The following LOC128462377 variants were observed in gnomAD, a reference collection of about 807,000 sequenced individuals.
the LOC128462377 span, among the ~76,000 whole-genome samples, chr16:89,337,739 C>T: frequency 6.6e-6 from 1 of 152,172 alleles, no homozygotes; most frequent in Admixed American, 6.5e-5. Flanking sequence ...TGTGCCCGGC[C>T]TGGTCTAAGC....
the LOC128462377 span, among the ~76,000 whole-genome samples, chr16:89,369,378 G>A: frequency 6.6e-6 from 1 of 152,204 alleles, no homozygotes; most frequent in Admixed American, 6.5e-5. Flanking sequence ...TGCATGACCC[G>A]CATGACCCTG....
At chr16:89,355,006 A>G in the LOC128462377 span, among the ~76,000 whole-genome samples, 1 of 152,200 alleles carries the variant, frequency 6.6e-6, no homozygotes, top group Admixed American at 6.5e-5. Context: ...ACAGATTCAC[A>G]TGCTGAAGAC....
the LOC128462377 span, among the ~76,000 whole-genome samples, chr16:89,364,034 C>T: frequency 6.6e-6 from 1 of 152,032 alleles, no homozygotes; most frequent in Non-Finnish European, 1.5e-5. Flanking sequence ...CACTGCATTC[C>T]TGCCCAGCCG....
At chr16:89,396,889 G>C in the LOC128462377 span, among the ~76,000 whole-genome samples, 1 of 152,158 alleles carries the variant, frequency 6.6e-6, no homozygotes, top group Non-Finnish European at 1.5e-5. Flanking sequence ...GTTTCACCAT[G>C]TTGGTCAGGC....
the LOC128462377 span, chr16:89,324,307 A>G: frequency 6.8e-5 from 87 of 1,273,020 alleles, no homozygotes; most frequent in Non-Finnish European, 2.7e-5. Context: ...ACCCGACAGG[A>G]GCACGGACAC....
the LOC128462377 span, among the ~76,000 whole-genome samples, chr16:89,413,266 TA>T: frequency 2.6e-4 from 40 of 152,348 alleles, no homozygotes; most frequent in African/African-American, 8.2e-4. Flanking sequence ...TTACTACGCA[TA>T]TTTTTTTGAT....
chr16:89,374,717 C>T, the LOC128462377 span, among the ~76,000 whole-genome samples: 1 of 152,112 alleles, frequency 6.6e-6, no homozygotes, highest in Non-Finnish European at 1.5e-5. Flanking sequence ...CAGGTAAGGA[C>T]CAGAAAAAAA....
At chr16:89,403,451 A>T in the LOC128462377 span, among the ~76,000 whole-genome samples, 2 of 152,090 alleles carry the variant, frequency 1.3e-5, no homozygotes, top group South Asian at 2.1e-4. Context: ...GAAGTTTCTC[A>T]GTAAGCGAGG....
the LOC128462377 span, among the ~76,000 whole-genome samples, chr16:89,332,047 G>C: frequency 6.6e-6 from 1 of 152,098 alleles, no homozygotes; most frequent in Non-Finnish European, 1.5e-5. Context: ...AGAACTTTGG[G>C]AGGCTGAGGT....
At chr16:89,323,394 G>A in the LOC128462377 span, 3 of 1,256,974 alleles carry the variant, frequency 2.4e-6, no homozygotes, top group African/African-American at 3.1e-5. Flanking sequence ...CAAGGGGAGA[G>A]CAAGCAGCCC....
the LOC128462377 span, among the ~76,000 whole-genome samples, chr16:89,346,270 A>AG: frequency 1.3e-5 from 2 of 150,682 alleles, no homozygotes; most frequent in South Asian, 4.2e-4. Context: ...AAAAAAAAAA[A>AG]GAATCAACAC....
At chr16:89,367,145 C>G in the LOC128462377 span, among the ~76,000 whole-genome samples, 2 of 152,322 alleles carry the variant, frequency 1.3e-5, no homozygotes, top group East Asian at 3.9e-4. Context: ...CCGCACCCAT[C>G]GGTGAGGAAG....
At chr16:89,371,223 C>T in the LOC128462377 span, among the ~76,000 whole-genome samples, 1 of 152,140 alleles carries the variant, frequency 6.6e-6, no homozygotes, top group African/African-American at 2.4e-5. Flanking sequence ...CCAACACTTT[C>T]GCAAATACTC....
chr16:89,347,090 G>A, the LOC128462377 span, among the ~76,000 whole-genome samples: 81 of 152,274 alleles, frequency 5.3e-4, no homozygotes, highest in African/African-American at 1.9e-3. Flanking sequence ...GAGCACATGG[G>A]CTGGGCTCCT....
chr16:89,340,663 C>G, the LOC128462377 span, among the ~76,000 whole-genome samples: 1 of 152,122 alleles, frequency 6.6e-6, no homozygotes, highest in African/African-American at 2.4e-5. Context: ...TGATTACATT[C>G]TACAAAAAGA....
the LOC128462377 span, among the ~76,000 whole-genome samples, chr16:89,408,110 CAA>C: frequency 6.6e-6 from 1 of 152,142 alleles, no homozygotes; most frequent in African/African-American, 2.4e-5. Flanking sequence ...ACTGGCCAGG[CAA>C]AGAGAGGCCA....
chr16:89,362,869 T>C, the LOC128462377 span, among the ~76,000 whole-genome samples: 1 of 152,050 alleles, frequency 6.6e-6, no homozygotes, highest in East Asian at 1.9e-4. Flanking sequence ...TTTGCCTCTT[T>C]TAAAAAGTTC....
chr16:89,402,087 C>T, the LOC128462377 span, among the ~76,000 whole-genome samples: 4 of 152,284 alleles, frequency 2.6e-5, no homozygotes, highest in East Asian at 7.7e-4. Flanking sequence ...CACCAAGTTT[C>T]ACTCTCTGTC....
At chr16:89,318,688 C>T in the LOC128462377 span, among the ~76,000 whole-genome samples, 4 of 152,236 alleles carry the variant, frequency 2.6e-5, no homozygotes, top group Middle Eastern at 3.2e-3. Context: ...TCTCCTCCAA[C>T]ACCATCTCAT....
Sources: gnomAD v4.1 joint callset for allele counts (sites outside exome capture counted in the v4.1 genomes callset) on GRCh38, gnomAD v4.1.1 for gene constraint, MANE v1.5 for transcripts.